RAD51B: variants seen among roughly 807,000 people sequenced by gnomAD.
The protein encoded by RAD51B is RAD51 paralog B, also known as DNA repair protein RAD51 homolog 2.
In RAD51B, 38 loss-of-function variants were observed where a neutral mutation model predicts 42.2. The ratio of observed to expected loss-of-function variants is 0.90; its 90% CI spans 0.70 to 1.18. RAD51B has a LOEUF of 1.18. Among genes scored for constraint, RAD51B ranks in the 50% most tolerant of loss-of-function variants. The pLI, the probability that RAD51B is intolerant of heterozygous loss-of-function variation, is 0.00. For synonymous variants in RAD51B, 154 were observed against 145.2 expected, an observed-to-expected ratio of 1.06 and a Z score of -0.43; for missense variants, 373 against 400.7, an observed-to-expected ratio of 0.93 and a Z score of 0.59.
At chr14:68,574,296 C>T (rs1451889886) in intron 10 of RAD51B, among the ~76,000 whole-genome samples, 1 of 152,138 alleles carries the variant, frequency 6.6e-6, no homozygotes, top group Non-Finnish European at 1.5e-5. Flanking sequence ...CTGTGTTGCC[C>T]AGGCTGGTCT....
intron 7 of RAD51B, among the ~76,000 whole-genome samples, chr14:68,048,264 C>T (rs551247131): frequency 4.6e-5 from 7 of 152,272 alleles, no homozygotes; most frequent in South Asian, 2.1e-4. Flanking sequence ...TGTTCATATC[C>T]TTCGCCCACT....
intron 5 of RAD51B, among the ~76,000 whole-genome samples, chr14:67,878,309 C>T (rs1333278240): frequency 6.6e-6 from 1 of 152,120 alleles, no homozygotes; most frequent in Non-Finnish European, 1.5e-5. Flanking sequence ...TGTGAACCAA[C>T]ATCTTTTCAT....
At chr14:68,429,641 G>C (rs1233413834) in intron 9 of RAD51B, among the ~76,000 whole-genome samples, 3 of 152,158 alleles carry the variant, frequency 2.0e-5, no homozygotes, top group Admixed American at 2.0e-4. Flanking sequence ...GTAGATTGTG[G>C]ATATTAGCCC....
chr14:67,988,890 G>A (rs1023203278), intron 7 of RAD51B, among the ~76,000 whole-genome samples: 1 of 152,148 alleles, frequency 6.6e-6, no homozygotes, highest in African/African-American at 2.4e-5. Context: ...CTTCAACACC[G>A]ATTTTTCTGT....
chr14:68,009,834 G>C (rs1183315570), intron 7 of RAD51B, among the ~76,000 whole-genome samples: 5 of 151,748 alleles, frequency 3.3e-5, no homozygotes, highest in Non-Finnish European at 7.4e-5. Context: ...GCAAAAATTA[G>C]GGTCTTCATA....
At chr14:67,964,139 C>G (rs1456185972) in intron 7 of RAD51B, among the ~76,000 whole-genome samples, 1 of 151,808 alleles carries the variant, frequency 6.6e-6, no homozygotes, top group Non-Finnish European at 1.5e-5. Flanking sequence ...TTATTGTACT[C>G]ATGTCACATT....
chr14:68,284,250 C>G (rs1025600897), intron 7 of RAD51B, among the ~76,000 whole-genome samples: 38 of 152,216 alleles, frequency 2.5e-4, no homozygotes, highest in Non-Finnish European at 8.8e-5. Context: ...CCTTCATCCC[C>G]TTTTCCTTGG....
intron 10 of RAD51B, among the ~76,000 whole-genome samples, chr14:68,484,362 T>TC (rs1883447833): frequency 6.8e-6 from 1 of 147,758 alleles, no homozygotes; most frequent in East Asian, 1.9e-4. Flanking sequence ...TCTTTTTCTT[T>TC]TTTTTTTTTT....
At chr14:68,191,993 C>T (rs146274029) in intron 7 of RAD51B, among the ~76,000 whole-genome samples, 3 of 152,242 alleles carry the variant, frequency 2.0e-5, no homozygotes, top group African/African-American at 7.2e-5. Context: ...TTTATACCAT[C>T]CAATCACATT....
intron 8 of RAD51B, among the ~76,000 whole-genome samples, chr14:68,333,811 T>C (rs1257275219): frequency 6.6e-6 from 1 of 152,198 alleles, no homozygotes; most frequent in Non-Finnish European, 1.5e-5. Flanking sequence ...CTCTCTACAT[T>C]TTTCAAGAAT....
intron 7 of RAD51B, among the ~76,000 whole-genome samples, chr14:68,172,748 T>C (rs919553782): frequency 6.6e-6 from 1 of 152,188 alleles, no homozygotes; most frequent in African/African-American, 2.4e-5. Flanking sequence ...ACTGATGGCT[T>C]TTTGTGCTTG....
chr14:68,310,856 T>C (rs1021789307), intron 8 of RAD51B, among the ~76,000 whole-genome samples: 2 of 151,976 alleles, frequency 1.3e-5, no homozygotes, highest in African/African-American at 4.8e-5. Flanking sequence ...AAAAATTAAT[T>C]AATTAATTAA....
At chr14:68,084,944 G>A (rs2076963637) in intron 7 of RAD51B, among the ~76,000 whole-genome samples, 1 of 152,196 alleles carries the variant, frequency 6.6e-6, no homozygotes, top group Admixed American at 6.5e-5. Context: ...CTGGGTTTTG[G>A]TAGTGACAGT....
chr14:68,581,004 C>G (rs934812998), intron 10 of RAD51B, among the ~76,000 whole-genome samples: 22 of 152,140 alleles, frequency 1.4e-4, no homozygotes, highest in Admixed American at 4.6e-4. Context: ...TTTTCATAAG[C>G]ATTAATTACT....
intron 9 of RAD51B, among the ~76,000 whole-genome samples, chr14:68,416,116 T>A (rs2084551014): frequency 6.6e-6 from 1 of 152,126 alleles, no homozygotes; most frequent in African/African-American, 2.4e-5. Context: ...CTCAAGCTGC[T>A]GATCCACACT....
In RAD51B at chr14:68,561,199, G is replaced by A. The variant is rs144137155; in HGVS notation, c.1037-33286G>A. ...ACAACAAGCTCTTCGCATGGTGCCC[G>A]CTTCCACAACGTCTGGTGATCAACG... On this transcript the variant is annotated intron_variant, in intron 10 of 10. Transcript: ENST00000487270. 4.6e-3 allele frequency among the ~76,000 whole-genome samples: 705 copies of A among 152,282 alleles called. 9 individuals are homozygous for A. Among genetic ancestry groups the A allele is most frequent in the African/African-American group, 0.016 (676 of 41,546 alleles).
chr14:67,863,311 A>G (rs1379514992), intron 4 of RAD51B, among the ~76,000 whole-genome samples: 3 of 152,064 alleles, frequency 2.0e-5, no homozygotes, highest in African/African-American at 7.2e-5. Flanking sequence ...AATGAAGTTT[A>G]CCTTTAGACC....
At chr14:68,346,781 T>C (rs1292104184) in intron 8 of RAD51B, among the ~76,000 whole-genome samples, 1 of 152,210 alleles carries the variant, frequency 6.6e-6, no homozygotes, top group Non-Finnish European at 1.5e-5. Flanking sequence ...TATCTCTGAA[T>C]GGTTTCTCTC....
intron 10 of RAD51B, among the ~76,000 whole-genome samples, chr14:68,590,288 G>A (rs1890678652): frequency 6.6e-6 from 1 of 152,182 alleles, no homozygotes; most frequent in Admixed American, 6.5e-5. Flanking sequence ...AGCTCTGCCT[G>A]GCCAGCCAGT....
Sources: allele counts gnomAD v4.1 joint callset (sites outside exome capture counted in the v4.1 genomes callset), GRCh38; gene constraint gnomAD v4.1.1; transcripts MANE v1.5; gene names NCBI Gene and HGNC (gene_info 2026-07-23, HGNC 2026-07-21).